ZNF385B: variants seen among roughly 807,000 people sequenced by gnomAD.
The protein encoded by ZNF385B is zinc finger protein 385B, also known as zinc finger protein 533.
ZNF385B carries 23 observed loss-of-function variants against 39.2 expected under a neutral mutation model. The ratio of observed to expected loss-of-function variants is 0.59; its 90% confidence interval spans 0.42 to 0.83. The LOEUF (loss-of-function observed/expected upper bound fraction) is 0.83. ZNF385B is among the 40% of genes least tolerant of loss of function. ZNF385B has a pLI of 0.00. For synonymous variants in ZNF385B, 205 were observed against 222.6 expected, an observed-to-expected ratio of 0.92 and a Z score of 0.70; for missense variants, 552 against 598.9, an observed-to-expected ratio of 0.92 and a Z score of 0.82.
At chr2:179,706,539 T>C (rs1465545115) in intron 3 of ZNF385B, among the ~76,000 whole-genome samples, 1 of 152,120 alleles carries the variant, frequency 6.6e-6, no homozygotes, top group African/African-American at 2.4e-5. Context: ...TCCATGTCTA[T>C]GTGGGTCTCT....
intron 3 of ZNF385B, among the ~76,000 whole-genome samples, chr2:179,761,952 T>C (rs1703423993): frequency 1.3e-5 from 2 of 151,962 alleles, no homozygotes. Flanking sequence ...ATAAGAGAAT[T>C]GAGAGTGGAC....
chr2:179,613,210 C>T (rs1313741467), intron 3 of ZNF385B, among the ~76,000 whole-genome samples: 3 of 152,126 alleles, frequency 2.0e-5, no homozygotes, highest in Non-Finnish European at 2.9e-5. Flanking sequence ...ACCCAAGAGC[C>T]CTCTTGGTGT....
intron 3 of ZNF385B, among the ~76,000 whole-genome samples, chr2:179,691,895 A>T (rs1392328520): frequency 6.6e-6 from 1 of 152,160 alleles, no homozygotes; most frequent in Non-Finnish European, 1.5e-5. Flanking sequence ...ATAGTTGTAC[A>T]TATTTATGGT....
chr2:179,673,690 TCTGA>T (rs1227043972), intron 3 of ZNF385B, among the ~76,000 whole-genome samples: 1 of 152,200 alleles, frequency 6.6e-6, no homozygotes, highest in East Asian at 1.9e-4. Context: ...TCATATGTAT[TCTGA>T]CTCATCTCAG....
At chr2:179,519,009 C>T (rs941788299) in intron 4 of ZNF385B, among the ~76,000 whole-genome samples, 1 of 152,128 alleles carries the variant, frequency 6.6e-6, no homozygotes, top group Non-Finnish European at 1.5e-5. Context: ...GAGACAGGAT[C>T]TTGCTCTGTT....
intron 3 of ZNF385B, among the ~76,000 whole-genome samples, chr2:179,659,281 G>A (rs185476756): frequency 2.2e-3 from 334 of 152,138 alleles, no homozygotes; most frequent in Non-Finnish European, 3.9e-3. Flanking sequence ...ATTCTCTTAC[G>A]AAAATGTTTG....
At position 179,495,372 on chromosome 2, in the gene ZNF385B, G is replaced by T. The variant is rs548900062; in HGVS notation, c.553-11938C>A. ...CACCAGGTAGACTTCTAAGGTTTTT[G>T]ACTCTAGTACTCAACTGACAGATGG... On this transcript the variant is annotated intron_variant, in intron 5 of 9. Coordinates refer to ENST00000410066, the MANE Select transcript of ZNF385B (RefSeq NM_152520.6). Among the ~76,000 whole-genome samples, 385 of 152,314 alleles carry T rather than the reference G, an allele frequency of 2.5e-3. 2 individuals are homozygous for T. Among genetic ancestry groups the T allele is most frequent in the Admixed American group, 4.4e-3 (67 of 15,298 alleles).
At chr2:179,787,250 AAAT>A (rs1705060225) in intron 1 of ZNF385B, among the ~76,000 whole-genome samples, 1 of 152,024 alleles carries the variant, frequency 6.6e-6, no homozygotes. Context: ...TAATATATTC[AAAT>A]CTACCCACCT....
rs1248403669 is a variant in ZNF385B, at chr2:179,739,389, T to C, written c.298+30114A>G. Among the ~76,000 whole-genome samples the C allele has an allele frequency of 3.3e-5, 5 of 152,308 alleles. No homozygotes were observed. The East Asian group carries it at 7.7e-4, about 24-fold the overall frequency. ...TAGAACAGGCTCCTCTAGAGGGATATAAAGCACTGCCAAGTCTTTTGAGTC... is the reference window on the plus strand; with the variant it reads ...TAGAACAGGCTCCTCTAGAGGGATACAAAGCACTGCCAAGTCTTTTGAGTC... On this transcript the variant is annotated intron_variant, in intron 3 of 9. Transcript: ENST00000410066.
intron 3 of ZNF385B, among the ~76,000 whole-genome samples, chr2:179,604,662 A>T (rs1688659692): frequency 6.6e-6 from 1 of 151,964 alleles, no homozygotes; most frequent in African/African-American, 2.4e-5. Flanking sequence ...AAATATTTAT[A>T]AACTGTATTA....
intron 3 of ZNF385B, among the ~76,000 whole-genome samples, chr2:179,599,824 A>G (rs1029542343): frequency 6.6e-6 from 1 of 152,184 alleles, no homozygotes; most frequent in Non-Finnish European, 1.5e-5. Flanking sequence ...ATGACTTAGT[A>G]AAAAATAGAA....
At chr2:179,498,954 C>G (rs989814880) in intron 5 of ZNF385B, among the ~76,000 whole-genome samples, 4 of 151,344 alleles carry the variant, frequency 2.6e-5, no homozygotes, top group South Asian at 2.1e-4. Context: ...ACAGAAGATC[C>G]AAATAAGTAA....
chr2:179,633,290 T>C (rs925893701), intron 3 of ZNF385B, among the ~76,000 whole-genome samples: 3 of 152,162 alleles, frequency 2.0e-5, no homozygotes, highest in Non-Finnish European at 4.4e-5. Context: ...TGAATGTCGA[T>C]GCAAAAATCC....
intron 3 of ZNF385B, among the ~76,000 whole-genome samples, chr2:179,584,652 A>T (rs1355061893): frequency 6.6e-6 from 1 of 152,194 alleles, no homozygotes; most frequent in Admixed American, 6.5e-5. Context: ...AGGAAAACCT[A>T]CATATGCCTA....
intron 3 of ZNF385B, among the ~76,000 whole-genome samples, chr2:179,569,643 A>G (rs945781953): frequency 8.5e-5 from 13 of 152,224 alleles, no homozygotes; most frequent in African/African-American, 3.1e-4. Flanking sequence ...TTGACAGGTT[A>G]GAACATGAGG....
In ZNF385B at chr2:179,824,849, T is replaced by C. The variant is rs867843533; in HGVS notation, c.-155+36252A>G. 2.1e-4 allele frequency among the ~76,000 whole-genome samples: 32 copies of C among 152,022 alleles called. 1 individual carries two copies. The highest frequency in any genetic ancestry group is 7.0e-4 in the African/African-American group (29 of 41,394). On this transcript the variant is annotated intron_variant, in intron 1 of 9. Transcript: ENST00000410066. The stretch of plus-strand genomic sequence containing the variant: ...GTTTGCTGAGGAGATGCCTGGTTTA[T>C]GCTTTGCTCTTATGTGGGTAGTCTG...
At chr2:179,847,566 C>T (rs1167891990) in intron 1 of ZNF385B, among the ~76,000 whole-genome samples, 3 of 152,192 alleles carry the variant, frequency 2.0e-5, no homozygotes, top group Non-Finnish European at 2.9e-5. Flanking sequence ...CTCCACTCCA[C>T]CTTGGAGAAA....
chr2:179,828,281 T>C (rs1707788929), intron 1 of ZNF385B, among the ~76,000 whole-genome samples: 1 of 152,120 alleles, frequency 6.6e-6, no homozygotes, highest in African/African-American at 2.4e-5. Context: ...GAGATAATGA[T>C]ATGTGGGAAA....
At chr2:179,708,607 T>G (rs1401144017) in intron 3 of ZNF385B, among the ~76,000 whole-genome samples, 1 of 152,216 alleles carries the variant, frequency 6.6e-6, no homozygotes, top group African/African-American at 2.4e-5. Context: ...GCTCTCATCT[T>G]GGAATACCTC....
Sources: gnomAD v4.1 joint callset for allele counts (sites outside exome capture counted in the v4.1 genomes callset) on GRCh38, gnomAD v4.1.1 for gene constraint, MANE v1.5 for transcripts, NCBI Gene and HGNC (gene_info 2026-07-23, HGNC 2026-07-21) for gene names.